The following CASP9 variants were observed in gnomAD, a reference collection of about 807,000 sequenced individuals.
The protein encoded by CASP9 is caspase-9.
In CASP9, 29 loss-of-function variants were observed where a neutral mutation model predicts 43.5. That is an observed-to-expected ratio of 0.67 (90% confidence interval 0.50 to 0.91). The LOEUF is 0.91. Among genes scored for constraint, CASP9 ranks in the 40% least tolerant of loss-of-function variants. The probability of loss-of-function intolerance (pLI) is 0.00; values close to 1 mark genes in which losing one functional copy is unlikely to be tolerated. For synonymous variants in CASP9, 206 were observed against 211.9 expected, an observed-to-expected ratio of 0.97 and a Z score of 0.24; for missense variants, 575 against 537.4, an observed-to-expected ratio of 1.07 and a Z score of -0.69.
At chr1:15,495,590 C>T in intron 6 of CASP9, 138 bp from the exon 7 acceptor site, 1 of 753,568 alleles carries the variant, frequency 1.3e-6, no homozygotes, top group Non-Finnish European at 1.9e-6. Flanking sequence ...CTCATTAAGC[C>T]AAACGGAAAA....
chr1:15,518,702 G>C (rs4233535), intron 1 of CASP9, among the ~76,000 whole-genome samples: 46,500 of 152,082 alleles, frequency 0.31, 7,518 homozygotes, highest in East Asian at 0.58. Flanking sequence ...AGAGACAAGT[G>C]CCCAGAGGGA....
rs1400427985 is a variant in CASP9, at chr1:15,492,019, C to A, written c.*924G>T. 3 of 152,220 alleles carry A rather than the reference C, an allele frequency of 2.0e-5. No homozygotes were observed. Among genetic ancestry groups the A allele is most frequent in the Non-Finnish European group, 4.4e-5 (3 of 68,174 alleles). The allele number at this position is 152,220 out of a possible 1,614,324, so 9.4% of individuals were successfully genotyped here. A position where few individuals can be genotyped will look rare whatever the true frequency, so the allele number is the denominator to read the frequency against. On this transcript the variant is annotated 3_prime_UTR_variant, in exon 9 of 9. Transcript: ENST00000333868. ...ACCTCCCTGAGCACAGGGTTCTCAC[C>A]CTTGTTGCCTTCCTGGGATGGGATA...
At chr1:15,495,611 G>C (rs1186289874) in intron 6 of CASP9, among the ~76,000 whole-genome samples, 159 bp from the exon 7 acceptor site, 1 of 152,146 alleles carries the variant, frequency 6.6e-6, no homozygotes, top group Non-Finnish European at 1.5e-5. Context: ...GTCAAGCTGG[G>C]AACTGGGTCA....
At chr1:15,494,037 C>T (rs1308804908) in intron 7 of CASP9, 36 bp from the exon 8 acceptor site, 3 of 1,545,722 alleles carry the variant, frequency 1.9e-6, no homozygotes, top group Admixed American at 3.8e-5. Flanking sequence ...TGCTGGAGAG[C>T]CACCCCTCCG....
chr1:15,492,890 T>C lies in CASP9; in HGVS notation c.*53A>G. 6.2e-7 allele frequency: 1 copy of C among 1,605,710 alleles called. No homozygotes were observed. On this transcript the variant is annotated 3_prime_UTR_variant, in exon 9 of 9. Coordinates refer to ENST00000333868, the MANE Select transcript of CASP9 (RefSeq NM_001229.5). ...TCCAGGCCTCAGCCTCTTTCAGGCC[T>C]GGGGCAGGAAAGCTTTGGGGTGCAA...
chr1:15,523,997 C>T, intron 1 of CASP9, 72 bp downstream of exon 1: 1 of 1,173,750 alleles, frequency 8.5e-7, no homozygotes. Context: ...AGGCTAGGCT[C>T]CCGCACAACG....
Position 15,504,617 on chromosome 1 carries a change from C to A in CASP9, c.862G>T (p.Gly288Cys). The stretch of plus-strand genomic sequence containing the variant: ...AGGCTGAGGAGCTGCTTACCCCCAC[C>A]ACAGGCCTGGATGAAAAAGAGCTTG... Reference protein sequence around the residue: ...KPKLFFIQACGGEQKDHGFEV... With the variant: ...KPKLFFIQACCGEQKDHGFEV... The change falls in exon 6 of 9, where the codon GGT (glycine) becomes TGT (cysteine). Residue 288 changes from glycine to cysteine, a missense_variant. By Grantham distance (159) the Gly-to-Cys change is radical (BLOSUM62 -3). Transcript: ENST00000333868. 6.2e-7 allele frequency: 1 copy of A among 1,612,618 alleles called. No homozygotes were observed. Among genetic ancestry groups the A allele is most frequent in the Non-Finnish European group, 8.5e-7 (1 of 1,179,294 alleles).
intron 6 of CASP9, among the ~76,000 whole-genome samples, chr1:15,496,346 A>C (rs148581171): frequency 1.2e-3 from 189 of 152,364 alleles, no homozygotes; most frequent in Non-Finnish European, 2.2e-3. Context: ...CTTTTTCTAT[A>C]AGATCAGGAA....
chr1:15,520,311 C>A (rs542911429), intron 1 of CASP9, among the ~76,000 whole-genome samples: 1 of 151,826 alleles, frequency 6.6e-6, no homozygotes, highest in Non-Finnish European at 1.5e-5. Context: ...ACCCAGGTGC[C>A]GAGGCAAGAG....
chr1:15,505,412 G>A (rs915827240), intron 5 of CASP9, among the ~76,000 whole-genome samples: 1 of 152,162 alleles, frequency 6.6e-6, no homozygotes, highest in Non-Finnish European at 1.5e-5. Context: ...TTTGTCAAGA[G>A]AAACTAGAAA....
intron 7 of CASP9, 89 bp downstream of exon 7, chr1:15,495,184 C>T: frequency 1.6e-6 from 2 of 1,215,478 alleles, no homozygotes; most frequent in East Asian, 2.6e-5. Flanking sequence ...AGGACTCATA[C>T]CCTGGTCTTT....
intron 2 of CASP9, 118 bp downstream of exon 2, chr1:15,517,992 A>G: frequency 2.4e-6 from 3 of 1,256,544 alleles, no homozygotes; most frequent in Non-Finnish European, 3.4e-6. Context: ...CCCTATGAAC[A>G]TTCAGAAAGA....
intron 6 of CASP9, among the ~76,000 whole-genome samples, chr1:15,503,976 A>G (rs769347226): frequency 6.6e-6 from 1 of 152,210 alleles, no homozygotes; most frequent in Non-Finnish European, 1.5e-5. Context: ...AAATTAGAGC[A>G]TACAGCAAAA....
At chr1:15,504,467 G>T in intron 6 of CASP9, 144 bp downstream of exon 6, 2 of 753,648 alleles carry the variant, frequency 2.7e-6, no homozygotes, top group Non-Finnish European at 4.2e-6. Context: ...AGACAGAGGT[G>T]CTGCCAAAAA....
intron 7 of CASP9, among the ~76,000 whole-genome samples, chr1:15,494,617 A>G (rs960647976): frequency 5.3e-5 from 8 of 151,050 alleles, no homozygotes; most frequent in Non-Finnish European, 1.2e-4. Context: ...TAATCCCAGC[A>G]CTTTGGGAAG....
chr1:15,501,283 C>T (rs1401604567), intron 6 of CASP9, among the ~76,000 whole-genome samples: 1 of 152,088 alleles, frequency 6.6e-6, no homozygotes, highest in Non-Finnish European at 1.5e-5. Flanking sequence ...CCAAAGTTAT[C>T]GACTTTAATG....
intron 2 of CASP9, among the ~76,000 whole-genome samples, chr1:15,510,903 C>G (rs1709728006): frequency 6.6e-6 from 1 of 152,034 alleles, no homozygotes; most frequent in Non-Finnish European, 1.5e-5. Flanking sequence ...CAGAAGAGGG[C>G]AAGCACATCC....
chr1:15,519,027 A>G (rs560425051), intron 1 of CASP9, among the ~76,000 whole-genome samples: 1 of 148,074 alleles, frequency 6.8e-6, no homozygotes, highest in African/African-American at 2.5e-5. Flanking sequence ...GGCACACACC[A>G]CCATACCTGA....
Position 15,524,077 on chromosome 1 carries a change from C to T in CASP9, c.124G>A (p.Asp42Asn), listed in dbSNP as rs1020768675. Reference sequence around the variant, plus strand: ...GGGGGCCGGGGGCGCACCTGGATGTCCTCGATCATATGGGGCCTGAACAGC... The same window carrying T: ...GGGGGCCGGGGGCGCACCTGGATGTTCTCGATCATATGGGGCCTGAACAGC... ...RELFRPHMIEDIQRAGSGSRR... is the reference protein window; with the variant it reads ...RELFRPHMIENIQRAGSGSRR... Residue 42 changes from aspartate to asparagine, a missense_variant, in exon 1 of 9, where the codon GAC becomes AAC. Physicochemically the swap from Asp to Asn is conservative, Grantham distance 23. Transcript: ENST00000333868. 2 of 1,504,098 alleles carry T rather than the reference C, an allele frequency of 1.3e-6. No homozygotes were observed. The highest frequency in any genetic ancestry group is 2.3e-4 in the Middle Eastern group (1 of 4,268). 93.2% of individuals were successfully genotyped at this position (1,504,098 alleles called of 1,614,324 possible). A position where few individuals can be genotyped will look rare whatever the true frequency, so the allele number is the denominator to read the frequency against.
Sources: allele counts gnomAD v4.1 joint callset (sites outside exome capture counted in the v4.1 genomes callset), GRCh38; gene constraint gnomAD v4.1.1; transcripts MANE v1.5; gene names NCBI Gene and HGNC (gene_info 2026-07-23, HGNC 2026-07-21).